IL17RD: variants seen among roughly 807,000 people sequenced by gnomAD.
IL17RD encodes interleukin 17 receptor D.
IL17RD carries 52 observed loss-of-function variants against 80.5 expected under a neutral mutation model. That is an observed-to-expected ratio of 0.65 (90% CI 0.52 to 0.81). IL17RD has a LOEUF of 0.81. IL17RD is among the 40% of genes least tolerant of loss of function. The pLI, the probability that IL17RD is intolerant of heterozygous loss-of-function variation, is 0.00. For synonymous variants in IL17RD, 416 were observed against 391.8 expected (o/e 1.06, Z -0.73); for missense variants, 1,024 against 955.1 (o/e 1.07, Z -0.95).
rs79649059 is a variant in IL17RD at position 57,154,538 on chromosome 3, G to T, written c.126+10623C>A. Among the ~76,000 whole-genome samples the T allele has an allele frequency of 5.2e-3, 788 of 152,076 alleles. 3 individuals carry two copies. The highest frequency in any genetic ancestry group is 0.017 in the African/African-American group (724 of 41,466). On this transcript the variant is annotated intron_variant, in intron 1 of 12. Transcript: ENST00000296318. ...ATGTGTGACCCTTTAAGTAAAATAA[G>T]AAAGCTCAGTAGATGGGAAATGTGC... is the stretch of plus-strand genomic sequence containing the variant.
chr3:57,112,840 G>T (rs1313168702), intron 3 of IL17RD, among the ~76,000 whole-genome samples: 1 of 152,158 alleles, frequency 6.6e-6, no homozygotes, highest in East Asian at 1.9e-4. Context: ...CCTTGGCCAG[G>T]TTTTCACAAA....
intron 2 of IL17RD, among the ~76,000 whole-genome samples, 165 bp downstream of exon 2, chr3:57,120,091 T>C (rs1707301076): frequency 6.6e-6 from 1 of 152,192 alleles, no homozygotes; most frequent in African/African-American, 2.4e-5. Flanking sequence ...TCCCAAATAC[T>C]TGAGTGGCCT....
At chr3:57,138,663 C>T (rs984905694) in intron 1 of IL17RD, among the ~76,000 whole-genome samples, 3 of 151,936 alleles carry the variant, frequency 2.0e-5, no homozygotes, top group Non-Finnish European at 2.9e-5. Flanking sequence ...GGGCCAGGTG[C>T]GGTGGCTCAC....
chr3:57,103,015 T>A, intron 9 of IL17RD, 76 bp downstream of exon 9: 1 of 1,027,728 alleles, frequency 9.7e-7, no homozygotes, highest in Non-Finnish European at 1.4e-6. Flanking sequence ...TTTCTGTAAA[T>A]CATGAAGTAC....
At chr3:57,165,779 G>C (rs2060345557), upstream of IL17RD, among the ~76,000 whole-genome samples, 1 of 152,084 alleles carries the variant, frequency 6.6e-6, no homozygotes, top group East Asian at 1.9e-4. Context: ...AAAAGTTAGG[G>C]GAACGTGACA....
intron 1 of IL17RD, among the ~76,000 whole-genome samples, chr3:57,131,548 G>A (rs1425812585): frequency 1.3e-5 from 2 of 152,310 alleles, no homozygotes; most frequent in African/African-American, 4.8e-5. Flanking sequence ...GATATCCTGA[G>A]GCCTTCAGAA....
chr3:57,101,728 G>T (rs1014149042), intron 10 of IL17RD, among the ~76,000 whole-genome samples: 1 of 152,114 alleles, frequency 6.6e-6, no homozygotes, highest in Non-Finnish European at 1.5e-5. Context: ...TTTTTTAAAA[G>T]TTTTTATCGA....
At chr3:57,142,636 C>G in intron 1 of IL17RD, 1 of 417,288 alleles carries the variant, frequency 2.4e-6, no homozygotes, top group Non-Finnish European at 4.2e-6. Flanking sequence ...TCCAGAACGT[C>G]CTCATTGACA....
intron 7 of IL17RD, 81 bp from the exon 8 acceptor site, chr3:57,104,488 A>G: frequency 1.1e-6 from 1 of 896,964 alleles, no homozygotes; most frequent in Non-Finnish European, 1.8e-6. Context: ...CCAGAGCTGA[A>G]GGAGACTTGC....
intron 1 of IL17RD, among the ~76,000 whole-genome samples, chr3:57,151,480 G>A (rs535708075): frequency 1.3e-5 from 2 of 152,116 alleles, no homozygotes; most frequent in African/African-American, 2.4e-5. Context: ...ATATGTCTTG[G>A]AGAGTTTCAT....
Position 57,097,880 on chromosome 3 carries a change from G to A in IL17RD, c.1823C>T (p.Ala608Val), listed in dbSNP as rs149622329. ...ESDFCLKVEA[A>V]VLGATGPADS... ...GGCTGGTCCGGTTGCCCCAAGAACA[G>A]CCGCCTCTACCTTTAGGCAGAAGTC... Residue 608 changes from alanine to valine, a missense_variant, in exon 12 of 13, where the codon GCT (alanine) becomes GTT (valine). Transcript: ENST00000296318. 11 of 1,613,788 alleles carry A rather than the reference G, an allele frequency of 6.8e-6. No individual in the cohort carries two copies. The highest frequency in any genetic ancestry group is 1.3e-5 in the African/African-American group (1 of 74,926).
At chr3:57,112,554 T>G (rs1707123498) in intron 3 of IL17RD, among the ~76,000 whole-genome samples, 1 of 152,230 alleles carries the variant, frequency 6.6e-6, no homozygotes, top group African/African-American at 2.4e-5. Context: ...ATCTCTTACT[T>G]TCATTCTAAC....
chr3:57,097,107 G>C (rs1229418739), intron 12 of IL17RD, among the ~76,000 whole-genome samples: 13 of 152,010 alleles, frequency 8.6e-5, no homozygotes, highest in African/African-American at 2.9e-4. Flanking sequence ...GCTCCCTGCA[G>C]AAGTAGGCCT....
chr3:57,123,516 C>T (rs796447338), intron 1 of IL17RD, among the ~76,000 whole-genome samples: 23 of 152,316 alleles, frequency 1.5e-4, no homozygotes, highest in African/African-American at 5.3e-4. Flanking sequence ...GGCTGCTTGC[C>T]GCATCACACT....
chr3:57,110,366 C>G (rs1707070304), intron 3 of IL17RD, 55 bp from the exon 4 acceptor site: 3 of 1,527,990 alleles, frequency 2.0e-6, no homozygotes, highest in Non-Finnish European at 2.7e-6. Context: ...TCTGAACACA[C>G]TCTTCTTCCT....
intron 1 of IL17RD, among the ~76,000 whole-genome samples, chr3:57,136,686 A>G (rs1216034392): frequency 2.8e-5 from 4 of 143,458 alleles, no homozygotes; most frequent in Non-Finnish European, 6.0e-5. Flanking sequence ...TAAAAGCAAT[A>G]TTTAACTTGC....
chr3:57,148,096 G>C lies in IL17RD; in HGVS notation c.126+17065C>G, dbSNP rs1241779885. ...CTTTGGGAGGCCAAGGTTGGGGGGGGGGGGGGGGCGATCGCTAGGTCAAGA... is the reference window on the plus strand; with the variant it reads ...CTTTGGGAGGCCAAGGTTGGGGGGGCGGGGGGGGCGATCGCTAGGTCAAGA... On this transcript the variant is annotated intron_variant, in intron 1 of 12. Coordinates refer to ENST00000296318, the MANE Select transcript of IL17RD (RefSeq NM_017563.5). Among the ~76,000 whole-genome samples, 33 of 116,904 alleles carry C rather than the reference G, an allele frequency of 2.8e-4. 5 individuals carry two copies. Among genetic ancestry groups the C allele is most frequent in the Admixed American group, 2.0e-3 (22 of 11,162 alleles). 76.7% of individuals were successfully genotyped at this position (116,904 alleles called of 152,430 possible). A position where few individuals can be genotyped will look rare whatever the true frequency, so the allele number is the denominator to read the frequency against.
At chr3:57,153,328 A>G (rs982042376) in intron 1 of IL17RD, among the ~76,000 whole-genome samples, 11 of 152,264 alleles carry the variant, frequency 7.2e-5, no homozygotes, top group African/African-American at 2.7e-4. Context: ...GTTGATATGT[A>G]AAATCCAACA....
intron 1 of IL17RD, among the ~76,000 whole-genome samples, chr3:57,139,425 G>A (rs1477799342): frequency 6.6e-6 from 1 of 151,026 alleles, no homozygotes; most frequent in East Asian, 1.9e-4. Context: ...GAATTTTTGT[G>A]TAATTTTGAA....
Sources: allele counts gnomAD v4.1 joint callset (sites outside exome capture counted in the v4.1 genomes callset), GRCh38; gene constraint gnomAD v4.1.1; transcripts MANE v1.5; gene names NCBI Gene and HGNC (gene_info 2026-07-23, HGNC 2026-07-21).